The following DLG2 variants were observed in gnomAD, a reference collection of about 807,000 sequenced individuals.
DLG2 encodes the protein discs large MAGUK scaffold protein 2.
In DLG2, 45 loss-of-function variants were observed where a neutral mutation model predicts 132.5. The ratio of observed to expected loss-of-function variants is 0.34; its 90% confidence interval spans 0.27 to 0.44. The LOEUF is 0.44. DLG2 is among the 20% of genes least tolerant of loss of function. The pLI, the probability that DLG2 is intolerant of heterozygous loss-of-function variation, is 1.00. For synonymous variants in DLG2, 424 were observed against 419.6 expected, an observed-to-expected ratio of 1.01 and a Z score of -0.13; for missense variants, 1,045 against 1,196.9, an observed-to-expected ratio of 0.87 and a Z score of 1.87.
At chr11:84,913,394 A>T (rs1380701053) in intron 6 of DLG2, among the ~76,000 whole-genome samples, 1 of 152,202 alleles carries the variant, frequency 6.6e-6, no homozygotes, top group Non-Finnish European at 1.5e-5. Context: ...TCTCATCTCA[A>T]AGCTATTCCA....
At chr11:84,640,241 A>G (rs1357125024) in intron 6 of DLG2, 2 of 313,196 alleles carry the variant, frequency 6.4e-6, no homozygotes, top group Admixed American at 8.0e-5. Context: ...GGGTGTTAAC[A>G]GTGGGCTTCC....
chr11:84,814,377 G>A (rs17741177), intron 6 of DLG2, among the ~76,000 whole-genome samples: 47 of 152,010 alleles, frequency 3.1e-4, no homozygotes, highest in Admixed American at 9.2e-4. Context: ...TTCTGCTCTA[G>A]ATCACTGGAT....
chr11:84,948,827 A>G (rs1251267070), intron 6 of DLG2, among the ~76,000 whole-genome samples: 1 of 152,206 alleles, frequency 6.6e-6, no homozygotes, highest in Non-Finnish European at 1.5e-5. Flanking sequence ...CTGAGCCTCA[A>G]TGTTTCCATG....
At chr11:84,320,957 GA>G in intron 7 of DLG2, among the ~76,000 whole-genome samples, 1 of 152,158 alleles carries the variant, frequency 6.6e-6, no homozygotes, top group South Asian at 2.1e-4. Flanking sequence ...ACAGAAATCA[GA>G]ACATTAATTA....
intron 4 of DLG2, among the ~76,000 whole-genome samples, chr11:85,161,385 A>G (rs1417988528): frequency 6.6e-6 from 1 of 152,128 alleles, no homozygotes; most frequent in Admixed American, 6.5e-5. Context: ...TGAGTGTCCA[A>G]TTTGCCAGCA....
chr11:85,053,762 A>T (rs1034450905), intron 6 of DLG2, among the ~76,000 whole-genome samples: 5 of 139,908 alleles, frequency 3.6e-5, no homozygotes, highest in Non-Finnish European at 6.0e-5. Context: ...GTGCCACTGC[A>T]CTCCAGCCTG....
chr11:85,284,806 G>A (rs186590633), intron 4 of DLG2, among the ~76,000 whole-genome samples: 274 of 151,862 alleles, frequency 1.8e-3, no homozygotes, highest in Non-Finnish European at 2.3e-3. Context: ...CTAATATTCT[G>A]CTCCTACACT....
chr11:85,315,745 A>C (rs2080622674), intron 3 of DLG2, among the ~76,000 whole-genome samples: 1 of 151,972 alleles, frequency 6.6e-6, no homozygotes, highest in Non-Finnish European at 1.5e-5. Flanking sequence ...TTGGGGTGCT[A>C]ATTCTCTAAC....
intron 6 of DLG2, chr11:84,720,277 G>C (rs1484851432): frequency 1.0e-6 from 1 of 985,332 alleles, no homozygotes. Flanking sequence ...GCATTAAAAA[G>C]ACATGAACCT....
chr11:85,589,453 C>A (rs2079174143), intron 3 of DLG2, among the ~76,000 whole-genome samples: 2 of 152,210 alleles, frequency 1.3e-5, no homozygotes, highest in South Asian at 4.1e-4. Flanking sequence ...CTTTCATGAT[C>A]CACTACTGGG....
intron 7 of DLG2, among the ~76,000 whole-genome samples, chr11:84,319,578 G>A (rs2098391984): frequency 6.6e-6 from 1 of 152,098 alleles, no homozygotes; most frequent in Non-Finnish European, 1.5e-5. Context: ...CTTTGTAATG[G>A]TGTGTGCAGC....
At position 83,588,174 on chromosome 11, in the gene DLG2, G is replaced by C. The variant is rs561296748; in HGVS notation, c.1940+45037C>G. 1.2e-4 allele frequency among the ~76,000 whole-genome samples: 19 copies of C among 152,062 alleles called. No homozygotes were observed. In the East Asian group the frequency reaches 3.7e-3, roughly 30 times the overall value. ...GCCTGCCTCTGTAGGCTCCACCTCT[G>C]GGGGCAGGGCACAGACAAACAAAAA... On this transcript the variant is annotated intron_variant, in intron 19 of 27. Transcript: ENST00000376104.
chr11:84,735,861 T>C (rs2063763032), intron 6 of DLG2, among the ~76,000 whole-genome samples: 3 of 152,028 alleles, frequency 2.0e-5, no homozygotes, highest in Admixed American at 2.0e-4. Flanking sequence ...CTGTGGTTTG[T>C]CTTTTCATTC....
chr11:85,550,742 T>C (rs2076616843), intron 3 of DLG2, among the ~76,000 whole-genome samples: 1 of 152,244 alleles, frequency 6.6e-6, no homozygotes, highest in Non-Finnish European at 1.5e-5. Flanking sequence ...ACCCCTGCTA[T>C]TCTGCACTAT....
chr11:85,462,471 A>G (rs922187409), intron 3 of DLG2, among the ~76,000 whole-genome samples: 1 of 152,236 alleles, frequency 6.6e-6, no homozygotes. Flanking sequence ...CTATGCAGCC[A>G]TAAAAAATGA....
At chr11:84,922,480 T>G (rs946087800) in intron 6 of DLG2, among the ~76,000 whole-genome samples, 1 of 152,176 alleles carries the variant, frequency 6.6e-6, no homozygotes, top group Non-Finnish European at 1.5e-5. Flanking sequence ...CAAGTGAATG[T>G]CAGTGGGGTG....
intron 6 of DLG2, among the ~76,000 whole-genome samples, chr11:84,609,321 C>A (rs1940084): frequency 0.27 from 40,769 of 151,914 alleles, 6,109 homozygotes; most frequent in African/African-American, 0.4. Flanking sequence ...GAGTTAATAC[C>A]TATAAAGTAC....
intron 6 of DLG2, among the ~76,000 whole-genome samples, chr11:84,930,631 C>T (rs964028520): frequency 3.9e-5 from 6 of 152,048 alleles, no homozygotes; most frequent in Non-Finnish European, 8.8e-5. Flanking sequence ...AAACAAAAGC[C>T]AACACACAAG....
intron 3 of DLG2, among the ~76,000 whole-genome samples, chr11:85,410,902 T>C (rs2089253543): frequency 1.3e-5 from 2 of 151,798 alleles, no homozygotes; most frequent in African/African-American, 4.8e-5. Flanking sequence ...TGCTCATTAT[T>C]GTCACTCTTT....
Sources: gnomAD v4.1 joint callset for allele counts (sites outside exome capture counted in the v4.1 genomes callset) on GRCh38, gnomAD v4.1.1 for gene constraint, MANE v1.5 for transcripts, NCBI Gene and HGNC (gene_info 2026-07-23, HGNC 2026-07-21) for gene names.